DPP6: variants seen among roughly 807,000 people sequenced by gnomAD.
The protein encoded by DPP6 is A-type potassium channel modulatory protein DPP6.
Under a neutral mutation model 122.6 loss-of-function variants are expected in DPP6, and 69 were observed. That is an observed-to-expected ratio of 0.56 (90% CI 0.46 to 0.69). The LOEUF is 0.69. Among genes scored for constraint, DPP6 ranks in the 30% least tolerant of loss-of-function variants. The pLI, the probability that DPP6 is intolerant of heterozygous loss-of-function variation, is 0.00. For synonymous variants in DPP6, 418 were observed against 433.1 expected, an observed-to-expected ratio of 0.97 and a Z score of 0.43; for missense variants, 928 against 1,116.9, an observed-to-expected ratio of 0.83 and a Z score of 2.41.
chr7:154,627,322 A>G (rs1835149164), intron 5 of DPP6, among the ~76,000 whole-genome samples: 1 of 150,602 alleles, frequency 6.6e-6, no homozygotes, highest in South Asian at 2.1e-4. Flanking sequence ...TAGCCTCCCA[A>G]GTAGCTGGGA....
At chr7:154,401,474 C>G (rs999420313) in intron 1 of DPP6, among the ~76,000 whole-genome samples, 1 of 152,126 alleles carries the variant, frequency 6.6e-6, no homozygotes, top group African/African-American at 2.4e-5. Context: ...AAATCCCTCC[C>G]CTTCCCCTCT....
intron 16 of DPP6, among the ~76,000 whole-genome samples, chr7:154,811,590 G>A (rs904987531): frequency 6.6e-6 from 1 of 152,186 alleles, no homozygotes; most frequent in Non-Finnish European, 1.5e-5. Context: ...AAGAAATGTT[G>A]TAAGATTATG....
chr7:154,463,491 G>A (rs1357213356), intron 2 of DPP6, among the ~76,000 whole-genome samples: 1 of 152,064 alleles, frequency 6.6e-6, no homozygotes, highest in Non-Finnish European at 1.5e-5. Context: ...ACAGGCGTGA[G>A]CCACCGCGCC....
intron 1 of DPP6, among the ~76,000 whole-genome samples, chr7:154,179,738 CA>C (rs1205452592): frequency 6.6e-6 from 1 of 152,186 alleles, no homozygotes; most frequent in African/African-American, 2.4e-5. Context: ...AGTATAAACA[CA>C]ACATGTGAAG....
chr7:153,924,689 A>G (rs1424179840), intron 1 of DPP6, among the ~76,000 whole-genome samples: 2 of 152,214 alleles, frequency 1.3e-5, no homozygotes, highest in Non-Finnish European at 2.9e-5. Flanking sequence ...CCAGTAAGCA[A>G]CAGACCATCT....
chr7:154,831,091 C>T (rs1313485360), intron 16 of DPP6, among the ~76,000 whole-genome samples: 1 of 152,180 alleles, frequency 6.6e-6, no homozygotes, highest in Admixed American at 6.5e-5. Flanking sequence ...CAGAAGCCAC[C>T]CTGCCCCAAC....
intron 1 of DPP6, among the ~76,000 whole-genome samples, chr7:154,435,550 A>G (rs958241746): frequency 6.6e-6 from 1 of 152,258 alleles, no homozygotes; most frequent in African/African-American, 2.4e-5. Context: ...ATGAAGACTG[A>G]GTAAATGAGC....
chr7:154,475,141 C>T, intron 3 of DPP6, 104 bp downstream of exon 3: 1 of 830,950 alleles, frequency 1.2e-6, no homozygotes. Flanking sequence ...CCCCCTTTGG[C>T]CACAGAAGGG....
At chr7:154,377,062 T>G (rs1280068980) in intron 1 of DPP6, among the ~76,000 whole-genome samples, 3 of 152,180 alleles carry the variant, frequency 2.0e-5, no homozygotes, top group Non-Finnish European at 4.4e-5. Context: ...TGTTGACTAC[T>G]GCGTGCTTAA....
chr7:153,829,412 C>T, the DPP6 span, among the ~76,000 whole-genome samples: 1,954 of 152,184 alleles, frequency 0.013, 42 homozygotes, highest in African/African-American at 0.045. Context: ...GACAGGGTTT[C>T]ACCATGTTGG....
At chr7:154,074,667 G>A (rs191389795) in intron 1 of DPP6, among the ~76,000 whole-genome samples, 281 of 152,280 alleles carry the variant, frequency 1.8e-3, no homozygotes, top group African/African-American at 6.3e-3. Flanking sequence ...AGTCACATAA[G>A]AGGAATTGGC....
intron 1 of DPP6, among the ~76,000 whole-genome samples, chr7:154,294,121 G>T (rs1225608473): frequency 6.6e-6 from 1 of 152,210 alleles, no homozygotes; most frequent in Non-Finnish European, 1.5e-5. Context: ...TCCTTTCACT[G>T]ATGGGCAACC....
chr7:154,002,579 T>C (rs952411277), intron 1 of DPP6, among the ~76,000 whole-genome samples: 1 of 152,110 alleles, frequency 6.6e-6, no homozygotes, highest in Non-Finnish European at 1.5e-5. Flanking sequence ...TATTTTTCAG[T>C]GAGTGCAGAT....
Position 154,145,371 on chromosome 7 carries a change from C to T in DPP6, c.243+92308C>T, listed in dbSNP as rs187096537. 5.1e-3 allele frequency among the ~76,000 whole-genome samples: 769 copies of T among 152,238 alleles called. 3 individuals carry two copies. Among genetic ancestry groups the T allele is most frequent in the African/African-American group, 0.018 (736 of 41,568 alleles). On this transcript the variant is annotated intron_variant, in intron 1 of 25. Coordinates refer to ENST00000377770, the MANE Select transcript of DPP6 (RefSeq NM_130797.4). Reference sequence around the variant, plus strand: ...GAAAGAAAGACCCGAGTCCTACCACCACAGGGCCCTGAGTTCTAACAGCCA... The same window carrying T: ...GAAAGAAAGACCCGAGTCCTACCACTACAGGGCCCTGAGTTCTAACAGCCA...
At chr7:154,489,468 C>G (rs1185980273) in intron 3 of DPP6, among the ~76,000 whole-genome samples, 1 of 152,146 alleles carries the variant, frequency 6.6e-6, no homozygotes, top group South Asian at 2.1e-4. Flanking sequence ...GGTGTCTTTT[C>G]TCATATCTCT....
At chr7:153,796,677 G>A in the DPP6 span, among the ~76,000 whole-genome samples, 34 of 152,306 alleles carry the variant, frequency 2.2e-4, no homozygotes, top group Non-Finnish European at 4.6e-4. Flanking sequence ...ATCTCTGGGG[G>A]TGGGTGGCCT....
intron 16 of DPP6, among the ~76,000 whole-genome samples, chr7:154,824,504 C>A (rs1280770112): frequency 2.0e-5 from 3 of 152,214 alleles, no homozygotes; most frequent in Admixed American, 6.5e-5. Context: ...GTCTCAAACT[C>A]CTGACCTCAG....
At chr7:154,777,635 C>A (rs1050694546) in intron 10 of DPP6, among the ~76,000 whole-genome samples, 4 of 152,102 alleles carry the variant, frequency 2.6e-5, no homozygotes, top group African/African-American at 7.2e-5. Flanking sequence ...AGTTAAGATG[C>A]GGCAGATAGC....
At chr7:154,440,288 T>C in intron 1 of DPP6, among the ~76,000 whole-genome samples, 1 of 152,120 alleles carries the variant, frequency 6.6e-6, no homozygotes, top group East Asian at 1.9e-4. Context: ...GTTATTCACA[T>C]GGAGGCGGCA....
Sources: gnomAD v4.1 joint callset for allele counts (sites outside exome capture counted in the v4.1 genomes callset) on GRCh38, gnomAD v4.1.1 for gene constraint, MANE v1.5 for transcripts, NCBI Gene and HGNC (gene_info 2026-07-23, HGNC 2026-07-21) for gene names.